The following CLMN variants were observed in gnomAD, a reference collection of about 807,000 sequenced individuals.
The protein encoded by CLMN is calmin (calponin-like, transmembrane).
A neutral mutation model predicts 92.7 loss-of-function variants in CLMN; 57 were observed. The observed-to-expected ratio is 0.61, with a 90% CI of 0.50 to 0.77. The LOEUF (loss-of-function observed/expected upper bound fraction) is 0.77, where lower values mean the gene tolerates loss of function less well. CLMN is among the 30% of genes least tolerant of loss of function. The probability of loss-of-function intolerance (pLI) is 0.00; values close to 1 mark genes in which losing one functional copy is unlikely to be tolerated. For synonymous variants in CLMN, 466 were observed against 470.6 expected, an observed-to-expected ratio of 0.99 and a Z score of 0.13; for missense variants, 1,158 against 1,237.5, an observed-to-expected ratio of 0.94 and a Z score of 0.96.
Position 95,190,892 on chromosome 14 carries a change from C to CA in CLMN, c.*671dup, listed in dbSNP as rs1896543961. 1 of 152,074 alleles carries CA rather than the reference C, an allele frequency of 6.6e-6. No individual in the cohort carries two copies. The highest frequency in any genetic ancestry group is 6.5e-5 in the Admixed American group (1 of 15,280). The allele number at this position is 152,074 out of a possible 1,614,324, so 9.4% of individuals were successfully genotyped here. A position where few individuals can be genotyped will look rare whatever the true frequency, so the allele number is the denominator to read the frequency against. On this transcript the variant is annotated 3_prime_UTR_variant, in exon 13 of 13. Transcript: ENST00000298912. ...ATTTCAAGTGTTATCTCCCCTCAAA[C>CA]AAAAAACAAAACAAAAAAACAACAA...
chr14:95,194,867 T>G lies in CLMN; in HGVS notation c.2709-271A>C, dbSNP rs374749057. ...TTTTAAATAGAAAGCAAGGCACATA[T>G]TCTTAAAAATCAAAGCATTTGGAGC... On this transcript the variant is annotated intron_variant, in intron 10 of 12. Transcript: ENST00000298912. This position sits in a 1 kb window ranked among gnomAD's most constrained non-coding sequence, Gnocchi z 4.0. Among the ~76,000 whole-genome samples the G allele has an allele frequency of 1.8e-4, 28 of 152,336 alleles. 1 individual carries two copies. The highest frequency in any genetic ancestry group is 1.4e-3 in the South Asian group (7 of 4,828).
At chr14:95,231,193 C>CTTTTTTT (rs59211402) in intron 1 of CLMN, among the ~76,000 whole-genome samples, 2 of 137,346 alleles carry the variant, frequency 1.5e-5, no homozygotes, top group Admixed American at 1.5e-4. Context: ...AATCCTCTAA[C>CTTTTTTT]TTTTTTTTTT....
chr14:95,249,945 C>G (rs1898718804), intron 1 of CLMN, among the ~76,000 whole-genome samples: 1 of 152,178 alleles, frequency 6.6e-6, no homozygotes, highest in African/African-American at 2.4e-5. Flanking sequence ...GGCCAAGGAG[C>G]TGGGAGTGGA....
intron 1 of CLMN, 129 bp downstream of exon 1, chr14:95,319,582 C>T: frequency 1.3e-6 from 1 of 759,692 alleles, no homozygotes; most frequent in Non-Finnish European, 2.0e-6. Context: ...CCTCCCACCT[C>T]GAGGCAAGTG....
At chr14:95,224,002 G>C (rs540406410) in intron 2 of CLMN, 147 bp from the exon 3 acceptor site, 345 of 611,614 alleles carry the variant, frequency 5.6e-4, no homozygotes, top group Middle Eastern at 3.0e-3. Context: ...GGAGGTAGCA[G>C]GCCCATCCCC....
At chr14:95,229,334 T>C (rs2140632623) in intron 2 of CLMN, among the ~76,000 whole-genome samples, 1 of 152,272 alleles carries the variant, frequency 6.6e-6, no homozygotes, top group African/African-American at 2.4e-5. Flanking sequence ...AGTGGGGAGC[T>C]GATTCAGCTG....
chr14:95,265,039 G>C (rs1016950264), intron 1 of CLMN, among the ~76,000 whole-genome samples: 1 of 151,840 alleles, frequency 6.6e-6, no homozygotes, highest in African/African-American at 2.4e-5. Flanking sequence ...TTGAGCCCAT[G>C]AGTTTGAGAC....
chr14:95,273,423 A>C (rs1210403656), intron 1 of CLMN, among the ~76,000 whole-genome samples: 1 of 152,156 alleles, frequency 6.6e-6, no homozygotes, highest in African/African-American at 2.4e-5. Context: ...GAAGAAGGAG[A>C]AGGAGTTTAT....
intron 4 of CLMN, among the ~76,000 whole-genome samples, chr14:95,221,451 G>A (rs1053736882): frequency 2.0e-5 from 3 of 152,218 alleles, no homozygotes; most frequent in African/African-American, 7.2e-5. Context: ...TTCTACGACT[G>A]AACGTACATC....
chr14:95,275,370 A>C (rs28677081), intron 1 of CLMN, among the ~76,000 whole-genome samples: 2,486 of 152,248 alleles, frequency 0.016, 55 homozygotes, highest in African/African-American at 0.055. Flanking sequence ...ATGACAATGA[A>C]AGTGACCTTT....
intron 1 of CLMN, among the ~76,000 whole-genome samples, chr14:95,253,924 G>A (rs1898893779): frequency 6.6e-6 from 1 of 152,160 alleles, no homozygotes; most frequent in South Asian, 2.1e-4. Flanking sequence ...CATTAACACA[G>A]TTTTTTAGGC....
intron 1 of CLMN, among the ~76,000 whole-genome samples, chr14:95,269,615 G>A (rs1239243204): frequency 6.6e-6 from 1 of 152,140 alleles, no homozygotes; most frequent in Non-Finnish European, 1.5e-5. Flanking sequence ...CCTTGGTTGC[G>A]GCCCATAGGC....
intron 1 of CLMN, among the ~76,000 whole-genome samples, chr14:95,299,250 C>T (rs955548123): frequency 1.2e-4 from 19 of 152,102 alleles, no homozygotes; most frequent in African/African-American, 4.6e-4. Context: ...AACAAAAAGG[C>T]TCATCCAAGT....
chr14:95,221,935 C>T (rs938036147), intron 3 of CLMN, among the ~76,000 whole-genome samples, 161 bp from the exon 4 acceptor site: 6 of 152,198 alleles, frequency 3.9e-5, no homozygotes, highest in Non-Finnish European at 8.8e-5. Flanking sequence ...CAAACCCACA[C>T]AGGTGCCTCT....
At position 95,197,388 on chromosome 14, in the gene CLMN, G is replaced by A. The variant is rs181652199; in HGVS notation, c.2512-694C>T. ...GAGAAGGAAGGAAGGAAGATAGAGA[G>A]AGAAAGAAAAAAGAAAAAAAGAAAG... is the stretch of plus-strand genomic sequence containing the variant. On this transcript the variant is annotated intron_variant, in intron 9 of 12. Coordinates refer to ENST00000298912, the MANE Select transcript of CLMN (RefSeq NM_024734.4). Among the ~76,000 whole-genome samples the A allele has an allele frequency of 1.6e-4, 23 of 147,944 alleles. 1 individual carries two copies. The highest frequency in any genetic ancestry group is 1.0e-3 in the Admixed American group (15 of 14,790).
intron 1 of CLMN, among the ~76,000 whole-genome samples, chr14:95,238,187 A>G (rs116803365): frequency 0.028 from 4,192 of 152,298 alleles, 161 homozygotes; most frequent in African/African-American, 0.083. Context: ...GGCGTGGCCC[A>G]GCCCCGCTTG....
intron 1 of CLMN, among the ~76,000 whole-genome samples, chr14:95,303,752 A>ACCAGCCTCCCATCTGGCTGTTTG (rs1223325327): frequency 9.2e-5 from 14 of 152,324 alleles, no homozygotes; most frequent in Admixed American, 7.8e-4. Context: ...GCACCCATTT[A>ACCAGCCTCCCATCTGGCTGTTTG]CCAGCCTCCC....
intron 1 of CLMN, among the ~76,000 whole-genome samples, chr14:95,255,678 C>G (rs1316016713): frequency 6.6e-6 from 1 of 152,124 alleles, no homozygotes; most frequent in East Asian, 1.9e-4. Context: ...TCCACCCTTT[C>G]ACAATTCACA....
At chr14:95,228,921 T>G (rs1343849400) in intron 2 of CLMN, among the ~76,000 whole-genome samples, 1 of 152,178 alleles carries the variant, frequency 6.6e-6, no homozygotes. Flanking sequence ...GTGATCTACC[T>G]GCCTCAGCCT....
Sources: allele counts gnomAD v4.1 joint callset (sites outside exome capture counted in the v4.1 genomes callset), GRCh38; gene constraint gnomAD v4.1.1; non-coding constraint Gnocchi (gnomAD v3.1); transcripts MANE v1.5; gene names NCBI Gene and HGNC (gene_info 2026-07-23, HGNC 2026-07-21).